CSMD3: variants seen among roughly 807,000 people sequenced by gnomAD.
CSMD3 encodes CUB and Sushi multiple domains 3.
Under a neutral mutation model 435.2 loss-of-function variants are expected in CSMD3, and 177 were observed. The ratio of observed to expected loss-of-function variants is 0.41; its 90% CI spans 0.36 to 0.46. CSMD3 has a LOEUF of 0.46. Among genes scored for constraint, CSMD3 ranks in the 20% least tolerant of loss-of-function variants. CSMD3 has a pLI of 0.34. For synonymous variants in CSMD3, 1,656 were observed against 1,520.5 expected (o/e 1.09, Z -2.07); for missense variants, 4,265 against 4,504.6 (o/e 0.95, Z 1.52).
chr8:113,274,748 CCTTTACTCA>C (rs2093556221), intron 3 of CSMD3, among the ~76,000 whole-genome samples: 6 of 151,542 alleles, frequency 4.0e-5, no homozygotes, highest in Admixed American at 6.6e-5. Context: ...AGCTTGATGA[CCTTTACTCA>C]CCTAATAATG....
chr8:113,034,817 A>G (rs2131259262), intron 5 of CSMD3, among the ~76,000 whole-genome samples: 1 of 152,262 alleles, frequency 6.6e-6, no homozygotes, highest in South Asian at 2.1e-4. Context: ...CAGACCACTC[A>G]ATGAAGAATA....
intron 12 of CSMD3, among the ~76,000 whole-genome samples, chr8:112,810,153 A>G (rs1377233001): frequency 6.6e-6 from 1 of 152,036 alleles, no homozygotes; most frequent in East Asian, 1.9e-4. Flanking sequence ...GTCTGGTGCA[A>G]TTTTTCTTTT....
intron 38 of CSMD3, among the ~76,000 whole-genome samples, chr8:112,364,471 G>C (rs1438275082): frequency 6.6e-6 from 1 of 151,922 alleles, no homozygotes; most frequent in Non-Finnish European, 1.5e-5. Context: ...TTAAAAACAT[G>C]TATATTTTAT....
chr8:112,571,181 AT>A (rs2131291146), intron 24 of CSMD3, among the ~76,000 whole-genome samples: 2 of 151,808 alleles, frequency 1.3e-5, no homozygotes, highest in African/African-American at 4.8e-5. Flanking sequence ...CTAATTTTGT[AT>A]TTTTAGTAGA....
chr8:112,502,628 T>C (rs1822089331), intron 30 of CSMD3, among the ~76,000 whole-genome samples: 1 of 152,134 alleles, frequency 6.6e-6, no homozygotes, highest in Admixed American at 6.6e-5. Context: ...CCCCTGTTCC[T>C]ATGGCAAATG....
intron 5 of CSMD3, among the ~76,000 whole-genome samples, chr8:113,090,988 G>T (rs990244396): frequency 1.3e-5 from 2 of 152,012 alleles, no homozygotes; most frequent in African/African-American, 4.8e-5. Context: ...AAAATACATA[G>T]AGAGAGTTCA....
chr8:113,416,503 C>T (rs2094582149), intron 1 of CSMD3, among the ~76,000 whole-genome samples: 1 of 152,146 alleles, frequency 6.6e-6, no homozygotes, highest in East Asian at 1.9e-4. Context: ...ATTACAATTC[C>T]ATTTATATAA....
At chr8:112,300,539 A>G (rs552080996) in intron 53 of CSMD3, among the ~76,000 whole-genome samples, 13 of 151,944 alleles carry the variant, frequency 8.6e-5, no homozygotes, top group Admixed American at 2.0e-4. Flanking sequence ...ACCTTATCCA[A>G]TGGGAGACAT....
chr8:112,666,169 T>C, intron 17 of CSMD3, 108 bp downstream of exon 17: 2 of 888,230 alleles, frequency 2.3e-6, no homozygotes, highest in Non-Finnish European at 3.7e-6. Flanking sequence ...AGCACAGCAA[T>C]TGACTATTAC....
At chr8:112,713,990 G>C (rs948849462) in intron 13 of CSMD3, among the ~76,000 whole-genome samples, 2 of 151,994 alleles carry the variant, frequency 1.3e-5, no homozygotes, top group South Asian at 4.2e-4. Context: ...TAAATACAAA[G>C]ACACTATGAA....
chr8:113,258,091 A>C, intron 3 of CSMD3, among the ~76,000 whole-genome samples: 1 of 152,324 alleles, frequency 6.6e-6, no homozygotes, highest in Non-Finnish European at 1.5e-5. Context: ...GACAAAATAA[A>C]AAATGATATG....
chr8:112,841,955 T>C (rs2080189733), intron 11 of CSMD3, among the ~76,000 whole-genome samples: 1 of 151,786 alleles, frequency 6.6e-6, no homozygotes, highest in African/African-American at 2.4e-5. Context: ...GATATGTACA[T>C]TATGTGATTC....
At chr8:112,634,198 G>A (rs1245181960) in intron 22 of CSMD3, among the ~76,000 whole-genome samples, 3 of 151,682 alleles carry the variant, frequency 2.0e-5, no homozygotes, top group African/African-American at 4.8e-5. Flanking sequence ...TCAGATGAAT[G>A]GCTACAAATA....
chr8:112,300,263 T>C (rs926623839), intron 53 of CSMD3, among the ~76,000 whole-genome samples: 1 of 142,652 alleles, frequency 7.0e-6, no homozygotes, highest in Non-Finnish European at 1.5e-5. Flanking sequence ...AATACTTGAG[T>C]ATGTATAAAT....
rs1399825939 is a variant in CSMD3, at chr8:112,494,475, TTCTTTTGTTTCTTTCTCTC to T, written c.5084-1811_5084-1793del. On this transcript the variant is annotated intron_variant, in intron 30 of 70. Coordinates refer to ENST00000297405, the MANE Select transcript of CSMD3 (RefSeq NM_198123.2). ...TTTCTTTCTCTCCTTTCTCTTTCTT[TTCTTTTGTTTCTTTCTCTC>T]CTTTCTTTCTTTCTTTCTTTCTTTC... Among the ~76,000 whole-genome samples the T allele has an allele frequency of 1.3e-4, 15 of 114,112 alleles. 1 individual carries two copies. Among genetic ancestry groups the T allele is most frequent in the Non-Finnish European group, 2.2e-4 (10 of 44,470 alleles). 74.9% of individuals were successfully genotyped at this position (114,112 alleles called of 152,430 possible).
intron 31 of CSMD3, among the ~76,000 whole-genome samples, chr8:112,491,624 G>A (rs779604190): frequency 1.4e-4 from 21 of 152,258 alleles, no homozygotes; most frequent in Admixed American, 1.3e-4. Flanking sequence ...ACTCCAGCCT[G>A]AGCAGCAGAG....
intron 32 of CSMD3, among the ~76,000 whole-genome samples, chr8:112,413,483 C>G (rs1408341478): frequency 6.6e-6 from 1 of 152,106 alleles, no homozygotes; most frequent in African/African-American, 2.4e-5. Flanking sequence ...TAAGCCATCC[C>G]AAATGTAAAT....
intron 1 of CSMD3, among the ~76,000 whole-genome samples, chr8:113,410,900 TGAAAGAAAGAAA>T (rs60929996): frequency 0.23 from 23,869 of 105,254 alleles, 2,963 homozygotes; most frequent in Admixed American, 0.43. Context: ...CAAAACCCTG[TGAAAGAAAGAAA>T]GAAAGAAAGA....
rs34123667 is a variant in CSMD3 at position 112,972,056 on chromosome 8, CTTAA to C, written c.1342+3777_1342+3780del. Among the ~76,000 whole-genome samples, 1,260 of 151,906 alleles carry C rather than the reference CTTAA, an allele frequency of 8.3e-3. 18 individuals are homozygous for C. Among genetic ancestry groups the C allele is most frequent in the African/African-American group, 0.027 (1,137 of 41,492 alleles). ...TTTAATTTATCTATGTGTTAATTCACTTAATTAACACATAGATTAGTCTGTACAC... is the reference window on the plus strand; with the variant it reads ...TTTAATTTATCTATGTGTTAATTCACTTAACACATAGATTAGTCTGTACAC... On this transcript the variant is annotated intron_variant, in intron 7 of 70. Transcript: ENST00000297405.
Sources: allele counts gnomAD v4.1 joint callset (sites outside exome capture counted in the v4.1 genomes callset), GRCh38; gene constraint gnomAD v4.1.1; transcripts MANE v1.5; gene names NCBI Gene and HGNC (gene_info 2026-07-23, HGNC 2026-07-21).